Variants in EFCC1 observed in about 807,000 individuals in gnomAD.
EFCC1 encodes EF-hand and coiled-coil domain-containing protein 1.
A neutral mutation model predicts 52.1 loss-of-function variants in EFCC1; 50 were observed. That is an observed-to-expected ratio of 0.96 (90% CI 0.76 to 1.21). The LOEUF (loss-of-function observed/expected upper bound fraction) is 1.21. Among genes scored for constraint, EFCC1 ranks in the 50% most tolerant of loss-of-function variants. EFCC1 has a pLI of 0.00. For missense variants in EFCC1, 837 were observed against 867.3 expected (o/e 0.97, Z 0.44); for synonymous variants, 399 against 396.5 (o/e 1.01, Z -0.08).
Position 129,014,201 on chromosome 3 carries a change from C to A in EFCC1, c.980+10124C>A, listed in dbSNP as rs560278018. 6.6e-6 allele frequency among the ~76,000 whole-genome samples: 1 copy of A among 152,364 alleles called. No homozygotes were observed. Among genetic ancestry groups the A allele is most frequent in the African/African-American group, 2.4e-5 (1 of 41,580 alleles). On this transcript the variant is annotated intron_variant, in intron 2 of 7. Coordinates refer to ENST00000683648, the MANE Select transcript of EFCC1 (RefSeq NM_001377500.1). The surrounding 1 kb of genome is among the most constrained non-coding windows in gnomAD (Gnocchi z 4.3). Reference sequence around the variant, plus strand: ...GGAGGCAGCTGGGAAGAGGCAGAGACCCTGCCCTCGTGGACCAACTCTCAG... The same window carrying A: ...GGAGGCAGCTGGGAAGAGGCAGAGAACCTGCCCTCGTGGACCAACTCTCAG...
chr3:129,032,727 T>C (rs1946296216), intron 3 of EFCC1, 92 bp from the exon 4 acceptor site: 26 of 1,469,352 alleles, frequency 1.8e-5, no homozygotes, highest in Non-Finnish European at 2.4e-5. Context: ...ACAAGAGCCC[T>C]CCCCTGGGGC....
At chr3:129,017,611 C>T (rs1402822242) in intron 2 of EFCC1, among the ~76,000 whole-genome samples, 1 of 152,236 alleles carries the variant, frequency 6.6e-6, no homozygotes, top group African/African-American at 2.4e-5. Flanking sequence ...ACCCACATTG[C>T]TTTCATCTTC....
Position 129,032,868 on chromosome 3 carries a change from C to A in EFCC1, c.1188C>A (p.Asp396Glu), listed in dbSNP as rs895899986. Residue 396 changes from aspartate to glutamate, a missense_variant, in exon 4 of 8, where the codon GAC becomes GAA. Coordinates refer to ENST00000683648, the MANE Select transcript of EFCC1 (RefSeq NM_001377500.1). ...FRSVEGQAAS[D>E]EEEVEEERWQ... ...CCGTGGAGGGCCAGGCCGCCTCTGA[C>A]GAGGAGGAGGTGGAGGAGGAGAGGT... 9 of 1,551,368 alleles carry A rather than the reference C, an allele frequency of 5.8e-6. No homozygotes were observed. In the Admixed American group the frequency reaches 1.6e-4, roughly 27 times the overall value.
chr3:129,024,837 G>A (rs1253599501), intron 2 of EFCC1, among the ~76,000 whole-genome samples: 1 of 152,168 alleles, frequency 6.6e-6, no homozygotes, highest in Non-Finnish European at 1.5e-5. Context: ...TGAACTTTGG[G>A]GGACACATTC....
At chr3:129,013,090 A>G (rs1191673570) in intron 2 of EFCC1, among the ~76,000 whole-genome samples, 3 of 152,152 alleles carry the variant, frequency 2.0e-5, no homozygotes, top group Non-Finnish European at 4.4e-5. Context: ...CAGTGTCAGG[A>G]CTTTCACATG....
chr3:129,028,359 C>T (rs1559972862), intron 2 of EFCC1, among the ~76,000 whole-genome samples: 1 of 152,000 alleles, frequency 6.6e-6, no homozygotes, highest in Non-Finnish European at 1.5e-5. Flanking sequence ...GCTGGGATTA[C>T]AGGTGTGAAC....
At chr3:129,032,122 G>A (rs992227270) in intron 3 of EFCC1, among the ~76,000 whole-genome samples, 3 of 152,128 alleles carry the variant, frequency 2.0e-5, no homozygotes, top group South Asian at 2.1e-4. Flanking sequence ...ACTGTGGACC[G>A]CAGACAGTCA....
Position 129,003,860 on chromosome 3 carries a change from C to A in EFCC1, c.763C>A (p.Arg255=). 1 of 1,441,684 alleles carries A rather than the reference C, an allele frequency of 6.9e-7. No individual in the cohort carries two copies. Among genetic ancestry groups the A allele is most frequent in the Non-Finnish European group, 9.1e-7 (1 of 1,099,894 alleles). The allele number at this position is 1,441,684 out of a possible 1,614,324, so 89.3% of individuals were successfully genotyped here. A position where few individuals can be genotyped will look rare whatever the true frequency, so the allele number is the denominator to read the frequency against. ...MGHGGPEAAV[R]ELRQAQGALA... ...GCACGGCGGGCCGGAGGCTGCGGTG[C>A]GGGAGCTGCGTCAGGCGCAGGGCGC... Residue 255 remains arginine, a synonymous_variant, in exon 2 of 8, where the codon CGG becomes AGG. Coordinates refer to ENST00000683648, the MANE Select transcript of EFCC1 (RefSeq NM_001377500.1).
Position 129,002,002 on chromosome 3 carries a change from C to T in EFCC1, c.374C>T (p.Thr125Ile), listed in dbSNP as rs543633304. ...TTGGCCACGGACGGGGACTCAGATACCGATGAAGAGGCGCGCCTGGCGCTG... is the reference window on the plus strand; with the variant it reads ...TTGGCCACGGACGGGGACTCAGATATCGATGAAGAGGCGCGCCTGGCGCTG... ...AELATDGDSDTDEEARLALRA... is the reference protein window; with the variant it reads ...AELATDGDSDIDEEARLALRA... The change falls in exon 1 of 8, where the codon ACC becomes ATC. Residue 125 changes from threonine (T) to isoleucine (I), a missense_variant. Transcript: ENST00000683648. 6.5e-7 allele frequency: 1 copy of T among 1,545,958 alleles called. No homozygotes were observed. Among genetic ancestry groups the T allele is most frequent in the African/African-American group, 1.4e-5 (1 of 72,458 alleles).
chr3:129,001,540 C>T lies in EFCC1; in HGVS notation c.-89C>T. On this transcript the variant is annotated 5_prime_UTR_variant, in exon 1 of 8. Transcript: ENST00000683648. ...ACCAGACCGCGACCGCTAAGCCCCT[C>T]CTTTCGAGAAACTCTGGGGCCGCCC... 1 of 1,342,374 alleles carries T rather than the reference C, an allele frequency of 7.4e-7. No homozygotes were observed. Among genetic ancestry groups the T allele is most frequent in the Non-Finnish European group, 9.5e-7 (1 of 1,052,946 alleles). The allele number at this position is 1,342,374 out of a possible 1,614,324, so 83.2% of individuals were successfully genotyped here.
Position 129,030,837 on chromosome 3 carries a change from C to G in EFCC1, c.1115C>G (p.Ser372Cys). The change falls in exon 3 of 8, where the codon TCT (serine) becomes TGT (cysteine). Residue 372 changes from serine to cysteine, a missense_variant. Physicochemically the swap from Ser to Cys is moderately radical, Grantham distance 112. Transcript: ENST00000683648. The stretch of plus-strand genomic sequence containing the variant: ...GGAGCCTGGCAGTCAGACAGCAGCT[C>G]TGGAAGCAGAGCCCTGGATGAAGGT... ...PEGAWQSDSSSGSRALDEAVD... is the reference protein window; with the variant it reads ...PEGAWQSDSSCGSRALDEAVD... 6.4e-7 allele frequency: 1 copy of G among 1,551,400 alleles called. No individual in the cohort carries two copies. Among genetic ancestry groups the G allele is most frequent in the African/African-American group, 1.4e-5 (1 of 73,138 alleles).
In EFCC1 at chr3:129,036,841, G is replaced by A. The variant is rs76317374; in HGVS notation, c.1453-136G>A. 192 of 1,259,930 alleles carry A rather than the reference G, an allele frequency of 1.5e-4. No homozygotes were observed. In the African/African-American group the frequency reaches 2.5e-3, roughly 16 times the overall value. The allele number at this position is 1,259,930 out of a possible 1,614,324, so 78.0% of individuals were successfully genotyped here. A position where few individuals can be genotyped will look rare whatever the true frequency, so the allele number is the denominator to read the frequency against. ...TACAACTCTTACATCAGTCCAACCC[G>A]CTGTGTGGCTTTAGGCCACACACTC... is the stretch of plus-strand genomic sequence containing the variant. On this transcript the variant is annotated intron_variant, in intron 5 of 7. Transcript: ENST00000683648.
rs773234147 is a variant in EFCC1 at position 129,037,032 on chromosome 3, T to TG, written c.1510dup (p.Val504GlyfsTer136). The TG allele has an allele frequency of 5.2e-4, 836 of 1,613,942 alleles. No homozygotes were observed. The highest frequency in any genetic ancestry group is 6.7e-4 in the Non-Finnish European group (793 of 1,180,006). On this transcript the variant is annotated frameshift_variant, in exon 6 of 8. Transcript: ENST00000683648. LOFTEE classifies it high-confidence loss of function. ...GAGCACCTGAGGCTGGAGCTGCAGA[T>TG]GGTAGAGACCGAGAGGGTGCGGCTG...
intron 2 of EFCC1, among the ~76,000 whole-genome samples, chr3:129,027,411 C>A (rs1946154859): frequency 6.6e-6 from 1 of 152,174 alleles, no homozygotes; most frequent in African/African-American, 2.4e-5. Context: ...GTCCACCTGA[C>A]GGAGCCCGGG....
rs957492820 is a variant in EFCC1, at chr3:129,040,705, T to A, written c.*857T>A. On this transcript the variant is annotated 3_prime_UTR_variant, in exon 8 of 8. Coordinates refer to ENST00000683648, the MANE Select transcript of EFCC1 (RefSeq NM_001377500.1). This position sits in a 1 kb window ranked among gnomAD's most constrained non-coding sequence, Gnocchi z 4.4. ...AACAGTGCCATGGGGGTGAAACCAG[T>A]GCTAAATGGAGGTAAAATAAAGTTT... The A allele has an allele frequency of 6.6e-6, 1 of 152,102 alleles. No homozygotes were observed. The highest frequency in any genetic ancestry group is 1.5e-5 in the Non-Finnish European group (1 of 68,030). 9.4% of individuals were successfully genotyped at this position (152,102 alleles called of 1,614,324 possible).
chr3:129,033,849 C>T (rs1946319938), intron 4 of EFCC1, among the ~76,000 whole-genome samples: 1 of 152,166 alleles, frequency 6.6e-6, no homozygotes, highest in Non-Finnish European at 1.5e-5. Context: ...GAAGAGCATT[C>T]CAGGAAGAGG....
intron 2 of EFCC1, among the ~76,000 whole-genome samples, chr3:129,015,505 C>T (rs1258663383): frequency 1.3e-5 from 2 of 152,058 alleles, no homozygotes; most frequent in East Asian, 1.9e-4. Flanking sequence ...CTTCATCCTT[C>T]GGTGAATTAA....
intron 4 of EFCC1, among the ~76,000 whole-genome samples, 194 bp from the exon 5 acceptor site, chr3:129,033,970 G>C (rs1264681934): frequency 6.6e-6 from 1 of 152,230 alleles, no homozygotes; most frequent in East Asian, 1.9e-4. Context: ...AGAGCTCATG[G>C]GGCAGATCAG....
chr3:129,033,876 G>C (rs1946320548), intron 4 of EFCC1, among the ~76,000 whole-genome samples: 1 of 152,252 alleles, frequency 6.6e-6, no homozygotes, highest in African/African-American at 2.4e-5. Flanking sequence ...CAAGTGCAGA[G>C]GCCCTGAGGC....
Sources: gnomAD v4.1 joint callset for allele counts (sites outside exome capture counted in the v4.1 genomes callset) on GRCh38, gnomAD v4.1.1 for gene constraint, Gnocchi (gnomAD v3.1) non-coding constraint, MANE v1.5 for transcripts, NCBI Gene and HGNC (gene_info 2026-07-23, HGNC 2026-07-21) for gene names.